TRPM3: variants seen among roughly 807,000 people sequenced by gnomAD.
The protein encoded by TRPM3 is long transient receptor potential channel 3.
In TRPM3, 77 loss-of-function variants were observed where a neutral mutation model predicts 181.2. That is an observed-to-expected ratio of 0.42 (90% confidence interval 0.35 to 0.51). TRPM3 has a LOEUF of 0.51. Among genes scored for constraint, TRPM3 ranks in the 20% least tolerant of loss-of-function variants. The probability of loss-of-function intolerance (pLI) is 0.01; values close to 1 mark genes in which losing one functional copy is unlikely to be tolerated. For missense variants in TRPM3, 1,759 were observed against 2,196.7 expected (o/e 0.80, Z 3.98); for synonymous variants, 745 against 796.4 (o/e 0.94, Z 1.09).
rs1415676731 is a variant in TRPM3 at position 70,692,045 on chromosome 9, G to A, written c.1273-10467C>T. ...AGAACAACAAAAACAAAATAAGGTGGGTTGGACACGCTTGCGGGGCTTTCT... is the reference window on the plus strand; with the variant it reads ...AGAACAACAAAAACAAAATAAGGTGAGTTGGACACGCTTGCGGGGCTTTCT... On this transcript the variant is annotated intron_variant, in intron 8 of 25. Transcript: ENST00000677713. 2.8e-4 allele frequency among the ~76,000 whole-genome samples: 42 copies of A among 152,196 alleles called. 2 individuals carry two copies. The highest frequency in any genetic ancestry group is 2.7e-3 in the Admixed American group (42 of 15,284).
Position 70,529,315 on chromosome 9 carries a change from A to G in TRPM3, c.*6638T>C, listed in dbSNP as rs954423599. ...ACACAAAGAAGGAAAAGATGTATAT[A>G]TATTCAGCAAACCCAATTTTAAAAC... On this transcript the variant is annotated 3_prime_UTR_variant, in exon 26 of 26. Transcript: ENST00000677713. 10 of 152,256 alleles carry G rather than the reference A, an allele frequency of 6.6e-5. No homozygotes were observed. The highest frequency in any genetic ancestry group is 2.4e-4 in the African/African-American group (10 of 41,470). 9.4% of individuals were successfully genotyped at this position (152,256 alleles called of 1,614,324 possible).
At chr9:71,415,520 C>T (rs1332117292) in intron 1 of TRPM3, among the ~76,000 whole-genome samples, 4 of 151,862 alleles carry the variant, frequency 2.6e-5, no homozygotes, top group East Asian at 1.9e-4. Context: ...AAAAGCAGTA[C>T]GCTGGGTGAC....
chr9:71,264,826 C>A (rs868349048), intron 1 of TRPM3, among the ~76,000 whole-genome samples: 45 of 152,234 alleles, frequency 3.0e-4, no homozygotes, highest in African/African-American at 1.0e-3. Context: ...TTCTTCTCAC[C>A]TTTTAAAACC....
At chr9:71,152,136 A>C (rs1565280491) in intron 1 of TRPM3, among the ~76,000 whole-genome samples, 1 of 152,120 alleles carries the variant, frequency 6.6e-6, no homozygotes, top group African/African-American at 2.4e-5. Context: ...AAAACTGTGA[A>C]CTCCTTGTTG....
At position 70,536,177 on chromosome 9, in the gene TRPM3, G is replaced by A. The variant is rs754698216; in HGVS notation, c.4936C>T (p.Arg1646Cys). 1.5e-5 allele frequency: 25 copies of A among 1,614,060 alleles called. No homozygotes were observed. The highest frequency in any genetic ancestry group is 1.6e-4 in the Middle Eastern group (1 of 6,084). ...SNNITVPKIE[R>C]ANSYSAEEPS... is the part of the protein sequence containing the mutation. ...TCCTCTGCCGAGTAGCTGTTGGCGCGCTCTATCTTGGGAACAGTGATGTTG... is the reference window on the plus strand; with the variant it reads ...TCCTCTGCCGAGTAGCTGTTGGCGCACTCTATCTTGGGAACAGTGATGTTG... Residue 1646 changes from arginine to cysteine, a missense_variant, in exon 26 of 26, where the codon CGC (arginine) becomes TGC (cysteine). Arg to Cys is a radical substitution (Grantham distance 180). This residue lies in a region of TRPM3 where 612 missense variants were observed against 590.0 expected (regional missense o/e 1.04). Coordinates refer to ENST00000677713, the MANE Select transcript of TRPM3 (RefSeq NM_001366145.2).
At chr9:71,011,967 G>C (rs185322666) in intron 1 of TRPM3, among the ~76,000 whole-genome samples, 1 of 147,838 alleles carries the variant, frequency 6.8e-6, no homozygotes, top group East Asian at 1.9e-4. Context: ...ATTTTTAGTA[G>C]AGATAGGGTT....
intron 1 of TRPM3, among the ~76,000 whole-genome samples, chr9:70,984,531 T>C (rs2097399770): frequency 6.6e-6 from 1 of 152,202 alleles, no homozygotes; most frequent in African/African-American, 2.4e-5. Context: ...TAGTTCTAAC[T>C]GGATTCATTA....
chr9:71,112,635 G>A (rs528357279), intron 1 of TRPM3, among the ~76,000 whole-genome samples: 3 of 152,094 alleles, frequency 2.0e-5, no homozygotes, highest in South Asian at 2.1e-4. Flanking sequence ...TCTAACACCC[G>A]AGACATTCTA....
rs2041037914 is a variant in TRPM3, at chr9:70,532,594, T to C, written c.*3359A>G. The C allele has an allele frequency of 6.6e-6, 1 of 152,120 alleles. No individual in the cohort carries two copies. The highest frequency in any genetic ancestry group is 1.9e-4 in the East Asian group (1 of 5,196). 9.4% of individuals were successfully genotyped at this position (152,120 alleles called of 1,614,324 possible). ...CCTCTAACTATAAATATAAAGTATA[T>C]TGGTTAAGCAGGAGACCTCCATGGT... On this transcript the variant is annotated 3_prime_UTR_variant, in exon 26 of 26. Coordinates refer to ENST00000677713, the MANE Select transcript of TRPM3 (RefSeq NM_001366145.2).
At chr9:71,243,717 T>G (rs1405240400) in intron 1 of TRPM3, among the ~76,000 whole-genome samples, 1 of 152,224 alleles carries the variant, frequency 6.6e-6, no homozygotes. Context: ...TGTAATCACA[T>G]TAGCCTAATT....
chr9:70,749,742 A>G (rs2075800676), intron 8 of TRPM3, among the ~76,000 whole-genome samples: 1 of 152,210 alleles, frequency 6.6e-6, no homozygotes, highest in South Asian at 2.1e-4. Context: ...AAGGCAACAA[A>G]TTGGTATAAA....
intron 6 of TRPM3, among the ~76,000 whole-genome samples, chr9:70,809,581 T>C (rs1438608201): frequency 1.3e-5 from 2 of 152,230 alleles, no homozygotes; most frequent in African/African-American, 2.4e-5. Flanking sequence ...CTACAAGCAA[T>C]AGGCTATACT....
intron 25 of TRPM3, among the ~76,000 whole-genome samples, chr9:70,537,638 A>T (rs1206940303): frequency 6.6e-6 from 1 of 152,182 alleles, no homozygotes; most frequent in Non-Finnish European, 1.5e-5. Context: ...TAATCCAATG[A>T]TTTTTTATTG....
intron 8 of TRPM3, among the ~76,000 whole-genome samples, chr9:70,688,405 C>A (rs894825943): frequency 3.9e-5 from 6 of 152,186 alleles, no homozygotes; most frequent in Admixed American, 2.6e-4. Context: ...GTCATCCGAG[C>A]AGTGTACATT....
At chr9:70,950,964 G>A (rs888237907) in intron 1 of TRPM3, among the ~76,000 whole-genome samples, 1 of 152,004 alleles carries the variant, frequency 6.6e-6, no homozygotes, top group African/African-American at 2.4e-5. Flanking sequence ...GTTTGAATAG[G>A]TGAATAGATA....
intron 1 of TRPM3, among the ~76,000 whole-genome samples, chr9:71,096,586 A>ACTCTCTCTCT (rs1410846317): frequency 1.0e-5 from 1 of 100,186 alleles, no homozygotes; most frequent in African/African-American, 4.8e-5. Context: ...ACACACACAC[A>ACTCTCTCTCT]CACACTCTCT....
intron 1 of TRPM3, among the ~76,000 whole-genome samples, chr9:70,890,032 T>TA (rs2132830437): frequency 6.8e-6 from 1 of 148,098 alleles, no homozygotes; most frequent in South Asian, 2.1e-4. Flanking sequence ...TATAAATATA[T>TA]ACACACTATA....
intron 1 of TRPM3, among the ~76,000 whole-genome samples, chr9:71,160,976 C>A (rs2076248141): frequency 6.6e-6 from 1 of 152,118 alleles, no homozygotes; most frequent in African/African-American, 2.4e-5. Context: ...TAAATCAATT[C>A]AGCCTAATTA....
At chr9:70,944,456 C>T (rs144693296) in intron 1 of TRPM3, among the ~76,000 whole-genome samples, 162 of 152,142 alleles carry the variant, frequency 1.1e-3, no homozygotes, top group Middle Eastern at 3.4e-3. Flanking sequence ...TTTCTTTTTC[C>T]GCTCCTTTCT....
Sources: allele counts gnomAD v4.1 joint callset (sites outside exome capture counted in the v4.1 genomes callset), GRCh38; gene constraint gnomAD v4.1.1; regional missense constraint gnomAD v4.1.1; transcripts MANE v1.5; gene names NCBI Gene and HGNC (gene_info 2026-07-23, HGNC 2026-07-21).